MEI4: variants seen among roughly 807,000 people sequenced by gnomAD.
MEI4 encodes meiotic double-stranded break formation protein 4, also known as meiosis-specific protein MEI4.
Under a neutral mutation model 31.4 loss-of-function variants are expected in MEI4, and 27 were observed. That is an observed-to-expected ratio of 0.86 (90% CI 0.63 to 1.19). MEI4 has a LOEUF of 1.19. Among genes scored for constraint, MEI4 ranks in the 50% most tolerant of loss-of-function variants. The pLI is 0.00. For synonymous variants in MEI4, 122 were observed against 145.4 expected, an observed-to-expected ratio of 0.84 and a Z score of 1.16; for missense variants, 329 against 398.9, an observed-to-expected ratio of 0.82 and a Z score of 1.49.
At chr6:77,848,515 G>T (rs1242316686) in intron 4 of MEI4, among the ~76,000 whole-genome samples, 2 of 152,128 alleles carry the variant, frequency 1.3e-5, no homozygotes, top group Non-Finnish European at 2.9e-5. Flanking sequence ...AAAGTTATTT[G>T]ATTGAAAACT....
At chr6:77,921,899 GCAGA>G (rs1211843697) in intron 4 of MEI4, among the ~76,000 whole-genome samples, 1 of 151,720 alleles carries the variant, frequency 6.6e-6, no homozygotes, top group Non-Finnish European at 1.5e-5. Context: ...ATGACTGATT[GCAGA>G]TCACTGTAAC....
chr6:77,730,795 A>G (rs1327441749), intron 2 of MEI4, among the ~76,000 whole-genome samples: 1 of 114,790 alleles, frequency 8.7e-6, no homozygotes, highest in African/African-American at 3.3e-5. Context: ...ACCCCAAAAC[A>G]GTCCCCAGAG....
chr6:77,873,165 G>A (rs1562020959), intron 4 of MEI4, among the ~76,000 whole-genome samples: 1 of 152,142 alleles, frequency 6.6e-6, no homozygotes, highest in Non-Finnish European at 1.5e-5. Flanking sequence ...CTAGATCCCT[G>A]AGGAATCACC....
At chr6:77,728,625 A>C (rs1272915046) in intron 2 of MEI4, among the ~76,000 whole-genome samples, 1 of 152,250 alleles carries the variant, frequency 6.6e-6, no homozygotes. Context: ...GAGATAGAGC[A>C]GGGCCACTAA....
chr6:77,909,573 A>C (rs1177454709), intron 4 of MEI4, among the ~76,000 whole-genome samples: 2 of 152,164 alleles, frequency 1.3e-5, no homozygotes, highest in East Asian at 3.9e-4. Context: ...TTAATAGCTT[A>C]CCAACCAACA....
chr6:77,828,687 C>G (rs1770012856), intron 3 of MEI4, among the ~76,000 whole-genome samples: 1 of 152,070 alleles, frequency 6.6e-6, no homozygotes, highest in Non-Finnish European at 1.5e-5. Flanking sequence ...TTATCTTTTG[C>G]TATTTCAACT....
Position 77,714,599 on chromosome 6 carries a change from G to A in MEI4, c.232+23696G>A, listed in dbSNP as rs9341685. On this transcript the variant is annotated intron_variant, in intron 2 of 4. Coordinates refer to ENST00000684080, the MANE Select transcript of MEI4 (RefSeq NM_001322247.2). Reference sequence around the variant, plus strand: ...TCATATCTTAAACAGTGAAGACCACGTTTTAAACAGTGAATGGATTTACGT... The same window carrying A: ...TCATATCTTAAACAGTGAAGACCACATTTTAAACAGTGAATGGATTTACGT... Among the ~76,000 whole-genome samples the A allele has an allele frequency of 3.7e-3, 571 of 152,280 alleles. 11 individuals carry two copies. The highest frequency in any genetic ancestry group is 0.027 in the Admixed American group (408 of 15,294).
intron 3 of MEI4, among the ~76,000 whole-genome samples, chr6:77,808,025 C>A (rs959086319): frequency 6.6e-6 from 1 of 152,130 alleles, no homozygotes; most frequent in Non-Finnish European, 1.5e-5. Context: ...AGTTTGAAAG[C>A]AGTGCAGCGG....
chr6:77,867,565 C>T (rs1411648128), intron 4 of MEI4, among the ~76,000 whole-genome samples: 1 of 152,178 alleles, frequency 6.6e-6, no homozygotes, highest in Admixed American at 6.5e-5. Context: ...AGTCAGGAAA[C>T]AACAGGTGCT....
chr6:77,650,809 T>G (rs145149874), upstream of MEI4, among the ~76,000 whole-genome samples: 4 of 152,354 alleles, frequency 2.6e-5, no homozygotes, highest in African/African-American at 9.6e-5. Flanking sequence ...CACACCTGTG[T>G]GGATTTCTGT....
chr6:77,743,083 A>T (rs1425495492), intron 2 of MEI4, among the ~76,000 whole-genome samples: 1 of 152,174 alleles, frequency 6.6e-6, no homozygotes, highest in Non-Finnish European at 1.5e-5. Flanking sequence ...CTTTTGGCTT[A>T]GGATTGACTT....
chr6:77,661,318 CG>C, intron 1 of MEI4, among the ~76,000 whole-genome samples: 1 of 151,806 alleles, frequency 6.6e-6, no homozygotes, highest in African/African-American at 2.4e-5. Context: ...TAATAAAGGC[CG>C]GTCCGTTATC....
At position 77,924,610 on chromosome 6, in the gene MEI4, A is replaced by G. The variant is rs1172535177; in HGVS notation, c.*1264A>G. On this transcript the variant is annotated 3_prime_UTR_variant, in exon 5 of 5. Transcript: ENST00000684080. ...TGCTGAGGTTGCACATACCACAGGAATAGGCTTCTTGCTAAAAGTCAGGCT... is the reference window on the plus strand; with the variant it reads ...TGCTGAGGTTGCACATACCACAGGAGTAGGCTTCTTGCTAAAAGTCAGGCT... 1 of 151,866 alleles carries G rather than the reference A, an allele frequency of 6.6e-6. No individual in the cohort carries two copies. Among genetic ancestry groups the G allele is most frequent in the Non-Finnish European group, 1.5e-5 (1 of 67,894 alleles). 9.4% of individuals were successfully genotyped at this position (151,866 alleles called of 1,614,324 possible). A position where few individuals can be genotyped will look rare whatever the true frequency, so the allele number is the denominator to read the frequency against.
In MEI4 at chr6:77,864,204, T is replaced by C. The variant is rs546029928; in HGVS notation, c.900+35142T>C. Among the ~76,000 whole-genome samples the C allele has an allele frequency of 1.4e-3, 213 of 152,306 alleles. 1 individual carries two copies. The highest frequency in any genetic ancestry group is 4.5e-3 in the African/African-American group (187 of 41,570). ...GCAAAATAACCAGCTAACGTCATAA[T>C]GGCAGGATCAAATTCACATATAAAA... On this transcript the variant is annotated intron_variant, in intron 4 of 4. Transcript: ENST00000684080.
rs1273066755 is a variant in MEI4 at position 77,861,681 on chromosome 6, G to A, written c.900+32619G>A. On this transcript the variant is annotated intron_variant, in intron 4 of 4. Transcript: ENST00000684080. ...TTGAGTTCTGGAGTTAAGCAAATAT[G>A]AGTTCAAAATCTGCTTCAGGCACAG... 2.6e-5 allele frequency among the ~76,000 whole-genome samples: 4 copies of A among 152,156 alleles called. No individual in the cohort carries two copies. The East Asian group carries it at 7.7e-4, about 29-fold the overall frequency.
chr6:77,872,151 C>T (rs910236507), intron 4 of MEI4, among the ~76,000 whole-genome samples: 2 of 152,096 alleles, frequency 1.3e-5, no homozygotes, highest in South Asian at 4.2e-4. Context: ...CCGTTTAGAG[C>T]CTTTTAATAG....
intron 1 of MEI4, among the ~76,000 whole-genome samples, chr6:77,672,666 A>G (rs958697768): frequency 2.6e-5 from 4 of 152,156 alleles, no homozygotes; most frequent in African/African-American, 7.2e-5. Flanking sequence ...CAGCCTCCTG[A>G]GTTGCTGAGA....
At chr6:77,694,560 A>G (rs528048634) in intron 2 of MEI4, among the ~76,000 whole-genome samples, 37 of 151,806 alleles carry the variant, frequency 2.4e-4, no homozygotes, top group Non-Finnish European at 3.2e-4. Context: ...ATGGTTTCCA[A>G]TTTTATCCAT....
At chr6:77,864,103 T>A (rs368626778) in intron 4 of MEI4, among the ~76,000 whole-genome samples, 3 of 152,030 alleles carry the variant, frequency 2.0e-5, no homozygotes, top group Non-Finnish European at 2.9e-5. Flanking sequence ...AAAGGAACAA[T>A]CGGTACCAGC....
Sources: allele counts gnomAD v4.1 joint callset (sites outside exome capture counted in the v4.1 genomes callset), GRCh38; gene constraint gnomAD v4.1.1; transcripts MANE v1.5; gene names NCBI Gene and HGNC (gene_info 2026-07-23, HGNC 2026-07-21).